The following EIF3E variants were observed in gnomAD, a reference collection of about 807,000 sequenced individuals.
The protein encoded by EIF3E is eukaryotic translation initiation factor 3 subunit E.
In EIF3E, 25 loss-of-function variants were observed where a neutral mutation model predicts 59.3. The ratio of observed to expected loss-of-function variants is 0.42; its 90% CI spans 0.31 to 0.59. The LOEUF is 0.59. Ranked by LOEUF, EIF3E falls within the 20% of genes least tolerant of loss-of-function variation. The pLI is 0.15. For synonymous variants in EIF3E, 176 were observed against 170.2 expected (o/e 1.03, Z -0.26); for missense variants, 317 against 534.3 (o/e 0.59, Z 4.01).
intron 5 of EIF3E, among the ~76,000 whole-genome samples, chr8:108,230,199 T>C (rs931750920): frequency 6.6e-6 from 1 of 152,176 alleles, no homozygotes; most frequent in African/African-American, 2.4e-5. Flanking sequence ...ATATCATAAT[T>C]ACAAGTTAAA....
chr8:108,219,073 C>T (rs1815358108), intron 7 of EIF3E, among the ~76,000 whole-genome samples: 1 of 152,116 alleles, frequency 6.6e-6, no homozygotes, highest in Admixed American at 6.6e-5. Flanking sequence ...GCATGAGCCA[C>T]TCCACTCAGA....
chr8:108,216,384 T>TA, intron 9 of EIF3E, 28 bp downstream of exon 9: 1 of 1,524,108 alleles, frequency 6.6e-7, no homozygotes. Context: ...AGAATAGTAT[T>TA]AGTTTATAAA....
At chr8:108,236,083 TA>T in intron 4 of EIF3E, 77 bp downstream of exon 4, 3 of 1,127,054 alleles carry the variant, frequency 2.7e-6, no homozygotes, top group Non-Finnish European at 3.7e-6. Flanking sequence ...GGCCAAGCCA[TA>T]AGCTCATCTG....
intron 7 of EIF3E, among the ~76,000 whole-genome samples, chr8:108,220,046 G>C (rs1248961555): frequency 6.6e-6 from 1 of 151,982 alleles, no homozygotes; most frequent in African/African-American, 2.4e-5. Context: ...AGGAGGCTGA[G>C]GCAAGAGAAT....
Position 108,228,272 on chromosome 8 carries a change from C to A in EIF3E, c.717G>T (p.Gln239His). 6.3e-7 allele frequency: 1 copy of A among 1,589,414 alleles called. No homozygotes were observed. The highest frequency in any genetic ancestry group is 8.6e-7 in the Non-Finnish European group (1 of 1,168,988). ...RDNIIDLFLY[Q>H]PQYLNAIQTM... ...TACACAGTGAAATAACTTACTGTGGCTGATAAAGGAAGAGGTCAATAATAT... is the reference window on the plus strand; with the variant it reads ...TACACAGTGAAATAACTTACTGTGGATGATAAAGGAAGAGGTCAATAATAT... The change falls in exon 7 of 13, where the codon CAG (glutamine) becomes CAT (histidine). Residue 239 changes from glutamine (Q) to histidine (H), a missense_variant. Physicochemically the swap from Gln to His is conservative, Grantham distance 24. Around this residue, in one of 4 missense-constraint regions of EIF3E, gnomAD observed 242 missense variants for 398.0 expected, o/e 0.61. Coordinates refer to ENST00000220849, the MANE Select transcript of EIF3E (RefSeq NM_001568.3).
intron 7 of EIF3E, chr8:108,227,176 T>C (rs1174644483): frequency 6.6e-6 from 1 of 151,978 alleles, no homozygotes; most frequent in African/African-American, 2.4e-5. Context: ...ATAGAAAAAT[T>C]AGCCAGGCAT....
intron 1 of EIF3E, among the ~76,000 whole-genome samples, chr8:108,247,606 T>C (rs1815972584): frequency 6.6e-6 from 1 of 152,244 alleles, no homozygotes; most frequent in African/African-American, 2.4e-5. Context: ...ACCTGGACGC[T>C]GGTTTTTGGG....
rs377502671 is a variant in EIF3E, at chr8:108,240,000, A to G, written c.281T>C (p.Met94Thr). The change falls in exon 3 of 13, where the codon ATG becomes ACG. Residue 94 changes from methionine to threonine, a missense_variant. This residue lies in a region of EIF3E where 242 missense variants were observed against 398.0 expected (regional missense o/e 0.61). Transcript: ENST00000220849. ...CCTTGTAGTTTCTGGATCTTCAAAC[A>G]TCTTCACAATTGGTTCTGTTTCTGC... is the stretch of plus-strand genomic sequence containing the variant. ...LQAETEPIVK[M>T]FEDPETTRQM... The G allele has an allele frequency of 1.9e-6, 3 of 1,614,012 alleles. No homozygotes were observed. Among genetic ancestry groups the G allele is most frequent in the African/African-American group, 1.3e-5 (1 of 74,932 alleles).
At chr8:108,244,039 C>T (rs1815896002) in intron 1 of EIF3E, among the ~76,000 whole-genome samples, 1 of 152,132 alleles carries the variant, frequency 6.6e-6, no homozygotes, top group Admixed American at 6.6e-5. Context: ...AAAGCAAATA[C>T]TTCAGACTTT....
chr8:108,203,853 T>C (rs1200494204), intron 10 of EIF3E, among the ~76,000 whole-genome samples: 1 of 152,068 alleles, frequency 6.6e-6, no homozygotes, highest in African/African-American at 2.4e-5. Flanking sequence ...GTTCCCTCTA[T>C]ATAAGTCAGC....
intron 1 of EIF3E, among the ~76,000 whole-genome samples, chr8:108,245,121 G>GCCCCCCCCCCCC (rs980159016): frequency 6.7e-6 from 1 of 149,258 alleles, no homozygotes; most frequent in Non-Finnish European, 1.5e-5. Context: ...AACCCTCACT[G>GCCCCCCCCCCCC]CCCCCCCCTC....
intron 5 of EIF3E, 77 bp from the exon 6 acceptor site, chr8:108,229,272 A>C: frequency 6.9e-7 from 1 of 1,458,188 alleles, no homozygotes; most frequent in African/African-American, 1.4e-5. Context: ...ATACCCATGT[A>C]TCCCTCTAGC....
Position 108,233,836 on chromosome 8 carries a change from CAA to C in EIF3E, c.471+1160_471+1161del, listed in dbSNP as rs35065360. ...CCTGGGTGAGAGCAAGACCCTGTCT[CAA>C]AAAAAAAAAAAAAAAAAAAAAAAAG... On this transcript the variant is annotated intron_variant, in intron 5 of 12. Coordinates refer to ENST00000220849, the MANE Select transcript of EIF3E (RefSeq NM_001568.3). 5.4e-3 allele frequency among the ~76,000 whole-genome samples: 403 copies of C among 74,034 alleles called. 4 individuals are homozygous for C. Among genetic ancestry groups the C allele is most frequent in the East Asian group, 0.011 (23 of 2,084 alleles). 48.6% of individuals were successfully genotyped at this position (74,034 alleles called of 152,430 possible). A position where few individuals can be genotyped will look rare whatever the true frequency, so the allele number is the denominator to read the frequency against.
At chr8:108,242,515 C>T (rs983846417) in intron 1 of EIF3E, 9 of 1,174,524 alleles carry the variant, frequency 7.7e-6, no homozygotes, top group Admixed American at 3.6e-5. Flanking sequence ...AAAATATTCA[C>T]GGACAGAAAT....
At chr8:108,244,646 G>A (rs924353865) in intron 1 of EIF3E, among the ~76,000 whole-genome samples, 4 of 151,908 alleles carry the variant, frequency 2.6e-5, no homozygotes, top group Non-Finnish European at 4.4e-5. Context: ...CAGACTTTCT[G>A]CCCTTTCTAA....
chr8:108,217,849 T>C (rs116323676), intron 7 of EIF3E, among the ~76,000 whole-genome samples: 2,320 of 152,290 alleles, frequency 0.015, 60 homozygotes, highest in African/African-American at 0.052. Flanking sequence ...AAAGCACTCA[T>C]ACTAATGAGA....
intron 1 of EIF3E, chr8:108,242,401 A>T (rs1815855974): frequency 7.8e-7 from 1 of 1,289,406 alleles, no homozygotes; most frequent in Non-Finnish European, 1.0e-6. Flanking sequence ...TTTGCAAAGG[A>T]TCCAAAAAAG....
chr8:108,236,680 T>C (rs1815736429), intron 3 of EIF3E, among the ~76,000 whole-genome samples: 2 of 152,182 alleles, frequency 1.3e-5, no homozygotes, highest in Admixed American at 6.5e-5. Flanking sequence ...CCTCCTCCAA[T>C]CTGTTAATAT....
At chr8:108,241,714 C>T (rs1387213129) in intron 2 of EIF3E, 85 bp downstream of exon 2, 4 of 740,486 alleles carry the variant, frequency 5.4e-6, no homozygotes, top group Non-Finnish European at 8.4e-6. Context: ...AGCCTTTTGG[C>T]TAAAGCTGTC....
Sources: allele counts gnomAD v4.1 joint callset (sites outside exome capture counted in the v4.1 genomes callset), GRCh38; gene constraint gnomAD v4.1.1; regional missense constraint gnomAD v4.1.1; transcripts MANE v1.5; gene names NCBI Gene and HGNC (gene_info 2026-07-23, HGNC 2026-07-21).